Variants in C2CD3 observed in about 807,000 individuals in gnomAD.
C2CD3 encodes C2 domain-containing protein 3.
Under a neutral mutation model 234.0 loss-of-function variants are expected in C2CD3, and 148 were observed. The observed-to-expected ratio is 0.63, with a 90% confidence interval of 0.55 to 0.72. C2CD3 has a LOEUF of 0.72. C2CD3 is among the 30% of genes least tolerant of loss of function. The pLI is 0.00. For synonymous variants in C2CD3, 1,000 were observed against 1,035.4 expected (o/e 0.97, Z 0.66); for missense variants, 2,577 against 2,811.5 (o/e 0.92, Z 1.89).
At chr11:74,040,020 T>C (rs1314167527) in intron 29 of C2CD3, among the ~76,000 whole-genome samples, 1 of 152,232 alleles carries the variant, frequency 6.6e-6, no homozygotes, top group Non-Finnish European at 1.5e-5. Context: ...CTATAGTCTA[T>C]AGCAGAAGTC....
At chr11:74,057,646 G>T in intron 24 of C2CD3, 102 bp from the exon 25 acceptor site, 2 of 1,215,202 alleles carry the variant, frequency 1.6e-6, no homozygotes, top group Non-Finnish European at 2.4e-6. Flanking sequence ...TCTTCCTATG[G>T]GGTCTTTGCT....
intron 7 of C2CD3, among the ~76,000 whole-genome samples, chr11:74,126,164 A>G (rs1293885423): frequency 1.3e-5 from 2 of 152,220 alleles, no homozygotes; most frequent in African/African-American, 2.4e-5. Context: ...GTGGAATTTT[A>G]GGTTGAAAAT....
rs145577054 is a variant in C2CD3, at chr11:74,034,617, A to C, written c.5882-339T>G. 1.4e-5 allele frequency: 23 copies of C among 1,608,962 alleles called. 1 individual carries two copies. In the African/African-American group the frequency reaches 2.9e-4, roughly 21 times the overall value. On this transcript the variant is annotated intron_variant, in intron 30 of 32. Coordinates refer to ENST00000334126, the MANE Select transcript of C2CD3 (RefSeq NM_001286577.2). ...GTTACTTCAGTAACTACCTATATTA[A>C]AAATCAAAATGAGAATCCACTTATT... is the stretch of plus-strand genomic sequence containing the variant.
intron 32 of C2CD3, among the ~76,000 whole-genome samples, chr11:74,017,079 G>A (rs1951906629): frequency 1.3e-5 from 2 of 152,212 alleles, no homozygotes; most frequent in South Asian, 4.1e-4. Flanking sequence ...TAGGAAAGTG[G>A]TGGGGGTGGA....
At chr11:74,134,277 A>C (rs966239262) in intron 5 of C2CD3, among the ~76,000 whole-genome samples, 2 of 152,224 alleles carry the variant, frequency 1.3e-5, no homozygotes. Flanking sequence ...ATGATTCCAC[A>C]TCCTATGCTT....
intron 25 of C2CD3, among the ~76,000 whole-genome samples, chr11:74,055,146 CATT>C: frequency 6.6e-6 from 1 of 152,266 alleles, no homozygotes; most frequent in Middle Eastern, 3.4e-3. Flanking sequence ...ATAACATGGA[CATT>C]ATTATCCTTA....
At chr11:74,095,902 C>G (rs1956087345) in intron 16 of C2CD3, among the ~76,000 whole-genome samples, 1 of 152,214 alleles carries the variant, frequency 6.6e-6, no homozygotes, top group Non-Finnish European at 1.5e-5. Flanking sequence ...TAATAGCCTA[C>G]AGCAGACAGT....
intron 3 of C2CD3, among the ~76,000 whole-genome samples, chr11:74,140,729 A>T (rs1224431059): frequency 6.6e-6 from 1 of 152,320 alleles, no homozygotes; most frequent in East Asian, 1.9e-4. Flanking sequence ...TAATGGTCTG[A>T]TGAATAAAAG....
rs921933902 is a variant in C2CD3 at position 74,074,294 on chromosome 11, A to G, written c.4910T>C (p.Val1637Ala). 18 of 1,614,188 alleles carry G rather than the reference A, an allele frequency of 1.1e-5. No homozygotes were observed. In the East Asian group the frequency reaches 4.0e-4, roughly 36 times the overall value. Reference sequence around the variant, plus strand: ...CATTGCTCTTTCTACTAGGATGCTGACTGCAAACGTTCCATCCAAATCAGC... The same window carrying G: ...CATTGCTCTTTCTACTAGGATGCTGGCTGCAAACGTTCCATCCAAATCAGC... ...GPADLDGTFA[V>A]SILVERAMHL... Residue 1637 changes from valine to alanine, a missense_variant, in exon 24 of 33, where the codon GTC becomes GCC. By Grantham distance (64) the Val-to-Ala change is moderately conservative (BLOSUM62 0). Coordinates refer to ENST00000334126, the MANE Select transcript of C2CD3 (RefSeq NM_001286577.2).
chr11:74,042,039 T>C lies in C2CD3; in HGVS notation c.5660+15A>G, dbSNP rs746897573. ...CCACTATGGTTTCCTGTGTCTTTTC[T>C]CAGTAGAGCCTCACCTGAGAGAAGT... On this transcript the variant is annotated intron_variant, in intron 29 of 32. Coordinates refer to ENST00000334126, the MANE Select transcript of C2CD3 (RefSeq NM_001286577.2). The C allele has an allele frequency of 1.2e-6, 2 of 1,612,734 alleles. No homozygotes were observed. Among genetic ancestry groups the C allele is most frequent in the East Asian group, 4.5e-5 (2 of 44,876 alleles).
rs1952523572 is a variant in C2CD3 at position 74,031,546 on chromosome 11, C to T, written c.6809+1805G>A. On this transcript the variant is annotated intron_variant, in intron 31 of 32. Coordinates refer to ENST00000334126, the MANE Select transcript of C2CD3 (RefSeq NM_001286577.2). Reference sequence around the variant, plus strand: ...AGTAGAGTTAGGGCAGCTCCCTCCTCATGGTCCCTCGCGTTCTGTCCACAT... The same window carrying T: ...AGTAGAGTTAGGGCAGCTCCCTCCTTATGGTCCCTCGCGTTCTGTCCACAT... 2.0e-5 allele frequency among the ~76,000 whole-genome samples: 3 copies of T among 152,230 alleles called. No individual in the cohort carries two copies. In the South Asian group the frequency reaches 6.2e-4, roughly 32 times the overall value.
At chr11:74,079,137 C>A (rs1043877155) in intron 22 of C2CD3, among the ~76,000 whole-genome samples, 11 of 152,164 alleles carry the variant, frequency 7.2e-5, no homozygotes, top group African/African-American at 2.4e-4. Flanking sequence ...ATGAGTGCAA[C>A]AGAAAAGGCA....
chr11:74,113,780 T>C lies in C2CD3; in HGVS notation c.1843A>G (p.Lys615Glu). 1 of 1,569,960 alleles carries C rather than the reference T, an allele frequency of 6.4e-7. No homozygotes were observed. The change falls in exon 11 of 33, where the codon AAG becomes GAG. Residue 615 changes from lysine (K) to glutamate (E), a missense_variant and splice_region_variant. Lys to Glu is a moderately conservative substitution (Grantham distance 56, BLOSUM62 1). Coordinates refer to ENST00000334126, the MANE Select transcript of C2CD3 (RefSeq NM_001286577.2). ...TGCAGAAAACCAGTGTGTCTCTTAC[T>C]TCCATCTGTAATTTTACTGGAGGCG... ...RLASSKITDG[K>E]VKFQQRFVFP... is the part of the protein sequence containing the mutation.
chr11:74,084,827 A>T, intron 22 of C2CD3, 54 bp downstream of exon 22: 1 of 1,023,152 alleles, frequency 9.8e-7, no homozygotes, highest in Non-Finnish European at 1.6e-6. Context: ...TACCTCTTGT[A>T]GGGAAGTGAA....
At chr11:74,155,806 T>G (rs1236887829) in intron 3 of C2CD3, among the ~76,000 whole-genome samples, 1 of 152,100 alleles carries the variant, frequency 6.6e-6, no homozygotes, top group Non-Finnish European at 1.5e-5. Context: ...CTAGATTTAA[T>G]AGCAGTGATG....
intron 8 of C2CD3, among the ~76,000 whole-genome samples, chr11:74,120,459 A>G (rs1054695153): frequency 6.6e-6 from 1 of 152,056 alleles, no homozygotes; most frequent in Non-Finnish European, 1.5e-5. Flanking sequence ...ACATGACCTC[A>G]TCCTTTTTTA....
chr11:74,029,941 A>G, intron 31 of C2CD3, among the ~76,000 whole-genome samples: 1 of 152,104 alleles, frequency 6.6e-6, no homozygotes. Flanking sequence ...TTTTTAGTAG[A>G]GATGGAATTT....
At chr11:74,064,064 C>T (rs1332314290) in intron 24 of C2CD3, among the ~76,000 whole-genome samples, 2 of 151,688 alleles carry the variant, frequency 1.3e-5, no homozygotes, top group African/African-American at 4.8e-5. Flanking sequence ...CACCCCACAA[C>T]AGTCCCCGGA....
chr11:74,160,557 G>C (rs1387552192), intron 3 of C2CD3, among the ~76,000 whole-genome samples: 2 of 152,116 alleles, frequency 1.3e-5, no homozygotes, highest in Non-Finnish European at 2.9e-5. Flanking sequence ...CATACAAGTA[G>C]AGCAGAATAG....
Sources: allele counts gnomAD v4.1 joint callset (sites outside exome capture counted in the v4.1 genomes callset), GRCh38; gene constraint gnomAD v4.1.1; transcripts MANE v1.5; gene names NCBI Gene and HGNC (gene_info 2026-07-23, HGNC 2026-07-21).